SGCD: variants seen among roughly 807,000 people sequenced by gnomAD.
SGCD encodes the protein sarcoglycan delta, also known as delta-sarcoglycan.
A neutral mutation model predicts 36.6 loss-of-function variants in SGCD; 18 were observed. The observed-to-expected ratio is 0.49, with a 90% CI of 0.34 to 0.73. The LOEUF is 0.73. Among genes scored for constraint, SGCD ranks in the 30% least tolerant of loss-of-function variants. SGCD has a pLI of 0.01. For missense variants in SGCD, 387 were observed against 346.7 expected (o/e 1.12, Z -0.92); for synonymous variants, 133 against 130.6 (o/e 1.02, Z -0.12).
chr5:155,960,630 T>C (rs569416377), intron 1 of SGCD, among the ~76,000 whole-genome samples: 2 of 152,266 alleles, frequency 1.3e-5, no homozygotes, highest in East Asian at 3.9e-4. Flanking sequence ...CTTTCAAAGA[T>C]GAACTCATTT....
intron 4 of SGCD, among the ~76,000 whole-genome samples, chr5:156,579,904 C>T (rs528996831): frequency 6.6e-6 from 1 of 152,228 alleles, no homozygotes; most frequent in South Asian, 2.1e-4. Context: ...GGGAATTTAG[C>T]CCATTTACAT....
At chr5:156,252,675 A>C (rs997363559) in intron 3 of SGCD, among the ~76,000 whole-genome samples, 3 of 152,208 alleles carry the variant, frequency 2.0e-5, no homozygotes, top group Non-Finnish European at 4.4e-5. Context: ...ACTTAGCCTG[A>C]AGCAGTTTAC....
At chr5:155,834,743 A>G in the SGCD span, among the ~76,000 whole-genome samples, 1 of 151,964 alleles carries the variant, frequency 6.6e-6, no homozygotes, top group African/African-American at 2.4e-5. Flanking sequence ...TCCTACACCA[A>G]CTTTGTGGTG....
chr5:156,243,966 T>G (rs1412744744), intron 3 of SGCD, among the ~76,000 whole-genome samples: 2 of 152,192 alleles, frequency 1.3e-5, no homozygotes, highest in Non-Finnish European at 2.9e-5. Flanking sequence ...AATGTTTACC[T>G]TATTTCACGG....
chr5:156,607,514 G>C (rs916074386), intron 6 of SGCD, among the ~76,000 whole-genome samples: 5 of 151,938 alleles, frequency 3.3e-5, no homozygotes, highest in African/African-American at 4.8e-5. Flanking sequence ...TCTCTTTTTT[G>C]GTTGTGTCTC....
At chr5:155,948,272 G>T (rs1014138175) in intron 1 of SGCD, among the ~76,000 whole-genome samples, 4 of 152,080 alleles carry the variant, frequency 2.6e-5, no homozygotes, top group African/African-American at 9.7e-5. Flanking sequence ...GTGACATTCT[G>T]TCTCAATACT....
intron 3 of SGCD, among the ~76,000 whole-genome samples, chr5:156,361,917 A>G (rs1178026756): frequency 1.3e-5 from 2 of 152,198 alleles, no homozygotes; most frequent in African/African-American, 4.8e-5. Flanking sequence ...TACTTTGGAC[A>G]TGGATCAGCA....
chr5:155,935,514 T>C (rs1323257628), intron 1 of SGCD, among the ~76,000 whole-genome samples: 2 of 152,124 alleles, frequency 1.3e-5, no homozygotes, highest in Non-Finnish European at 2.9e-5. Flanking sequence ...AATAATGAGA[T>C]AGAAAGTGAA....
In SGCD at chr5:156,767,267, A is replaced by T. The variant is rs192658071; in HGVS notation, c.*7877A>T. On this transcript the variant is annotated 3_prime_UTR_variant, in exon 9 of 9. Transcript: ENST00000337851. ...ATCTAGTCTGTGACGGAGGGAATAAAGTTTTTCATGTATCAACCACCTCCC... is the reference window on the plus strand; with the variant it reads ...ATCTAGTCTGTGACGGAGGGAATAATGTTTTTCATGTATCAACCACCTCCC... 1.2e-4 allele frequency: 18 copies of T among 152,226 alleles called. No homozygotes were observed. In the East Asian group the frequency reaches 3.3e-3, roughly 28 times the overall value. The allele number at this position is 152,226 out of a possible 1,614,324, so 9.4% of individuals were successfully genotyped here.
intron 4 of SGCD, among the ~76,000 whole-genome samples, chr5:156,571,861 G>A (rs1474467651): frequency 6.6e-6 from 1 of 152,202 alleles, no homozygotes; most frequent in Non-Finnish European, 1.5e-5. Context: ...CTAGTTCCAT[G>A]ATGCTTTTTA....
intron 3 of SGCD, among the ~76,000 whole-genome samples, chr5:156,400,111 G>A (rs2127761709): frequency 6.6e-6 from 1 of 152,244 alleles, no homozygotes; most frequent in South Asian, 2.1e-4. Flanking sequence ...TGGTAATACA[G>A]TGGTTCTCCA....
intron 3 of SGCD, among the ~76,000 whole-genome samples, chr5:156,479,204 T>C (rs1276761062): frequency 2.0e-5 from 3 of 152,156 alleles, no homozygotes. Flanking sequence ...GCGATTCTCC[T>C]GCCTCAGCCT....
At chr5:156,423,365 ATT>A (rs1773494282) in intron 3 of SGCD, among the ~76,000 whole-genome samples, 4 of 107,754 alleles carry the variant, frequency 3.7e-5, no homozygotes, top group African/African-American at 7.7e-5. Flanking sequence ...ATTATAATAT[ATT>A]ATATTTTATT....
chr5:156,234,596 G>A (rs939111207), intron 3 of SGCD, among the ~76,000 whole-genome samples: 2 of 152,132 alleles, frequency 1.3e-5, no homozygotes, highest in African/African-American at 4.8e-5. Flanking sequence ...GGGGCTAATG[G>A]GAGCATGGCA....
intron 3 of SGCD, among the ~76,000 whole-genome samples, chr5:156,448,641 A>C (rs1753850044): frequency 6.6e-6 from 1 of 151,720 alleles, no homozygotes; most frequent in Non-Finnish European, 1.5e-5. Flanking sequence ...TGCCTGTTCC[A>C]GGGACAGGCA....
At chr5:156,023,784 G>T (rs752630681) in intron 1 of SGCD, among the ~76,000 whole-genome samples, 1 of 152,098 alleles carries the variant, frequency 6.6e-6, no homozygotes. Flanking sequence ...ATACATCTTC[G>T]GCTGTCTAAC....
At position 156,308,948 on chromosome 5, in the gene SGCD, AT is replaced by A. The variant is rs571694891; in HGVS notation, c.-43-20577del. On this transcript the variant is annotated intron_variant, in intron 3 of 9. Transcript: ENST00000517913. ...AAATATTACATACTTAGGTAACAGT[AT>A]TTTTTTTTATTTTAGCACTTTGAAT... Among the ~76,000 whole-genome samples the A allele has an allele frequency of 3.3e-3, 497 of 151,666 alleles. 1 individual carries two copies. Among genetic ancestry groups the A allele is most frequent in the Admixed American group, 4.2e-3 (64 of 15,224 alleles).
intron 3 of SGCD, among the ~76,000 whole-genome samples, chr5:156,496,804 C>A (rs1234057474): frequency 3.3e-5 from 5 of 152,096 alleles, no homozygotes; most frequent in Non-Finnish European, 7.4e-5. Flanking sequence ...CAGCAAAGTG[C>A]TTAAAATGGT....
chr5:155,870,017 A>G (rs539134579), upstream of SGCD, among the ~76,000 whole-genome samples: 9 of 152,210 alleles, frequency 5.9e-5, no homozygotes, highest in Non-Finnish European at 1.3e-4. Context: ...CAACAACAAC[A>G]ACAACAACAA....
Sources: gnomAD v4.1 joint callset for allele counts (sites outside exome capture counted in the v4.1 genomes callset) on GRCh38, gnomAD v4.1.1 for gene constraint, MANE v1.5 for transcripts, NCBI Gene and HGNC (gene_info 2026-07-23, HGNC 2026-07-21) for gene names.